Variants in MTDH observed in about 807,000 individuals in gnomAD.
MTDH encodes the protein metadherin.
In MTDH, 34 loss-of-function variants were observed where a neutral mutation model predicts 72.7. The ratio of observed to expected loss-of-function variants is 0.47; its 90% CI spans 0.36 to 0.62. The LOEUF is 0.62. Among genes scored for constraint, MTDH ranks in the 20% least tolerant of loss-of-function variants. The pLI, the probability that MTDH is intolerant of heterozygous loss-of-function variation, is 0.00. For synonymous variants in MTDH, 266 were observed against 268.9 expected, an observed-to-expected ratio of 0.99 and a Z score of 0.10; for missense variants, 677 against 699.4, an observed-to-expected ratio of 0.97 and a Z score of 0.36.
intron 2 of MTDH, among the ~76,000 whole-genome samples, chr8:97,662,152 C>T (rs1812195698): frequency 6.6e-6 from 1 of 151,018 alleles, no homozygotes; most frequent in Non-Finnish European, 1.5e-5. Flanking sequence ...GAGAAAAAGA[C>T]TTTTCATTCA....
intron 9 of MTDH, among the ~76,000 whole-genome samples, chr8:97,717,528 T>G (rs1176202627): frequency 6.6e-6 from 1 of 152,142 alleles, no homozygotes; most frequent in Non-Finnish European, 1.5e-5. Context: ...CCTTTCACTT[T>G]CCAAAGAGCT....
intron 2 of MTDH, among the ~76,000 whole-genome samples, chr8:97,678,713 A>G (rs1812954566): frequency 2.0e-5 from 3 of 148,714 alleles, no homozygotes; most frequent in Admixed American, 6.9e-5. Context: ...TTTCGGGATT[A>G]CAGGCATGAG....
intron 1 of MTDH, among the ~76,000 whole-genome samples, chr8:97,645,878 C>A (rs950789473): frequency 1.3e-5 from 2 of 152,046 alleles, no homozygotes; most frequent in Admixed American, 6.6e-5. Flanking sequence ...ATTTTTATAT[C>A]CAGCGAATTA....
At chr8:97,716,024 C>G (rs1189314735) in intron 9 of MTDH, among the ~76,000 whole-genome samples, 1 of 151,658 alleles carries the variant, frequency 6.6e-6, no homozygotes, top group East Asian at 1.9e-4. Context: ...TACATAATTG[C>G]ATAGGTTGTT....
chr8:97,660,783 T>C (rs1812142805), intron 1 of MTDH, among the ~76,000 whole-genome samples: 1 of 152,132 alleles, frequency 6.6e-6, no homozygotes, highest in Non-Finnish European at 1.5e-5. Context: ...AACACAGTTT[T>C]GTTCTCCTTT....
chr8:97,688,069 G>C (rs1197123103), intron 4 of MTDH, among the ~76,000 whole-genome samples: 1 of 152,158 alleles, frequency 6.6e-6, no homozygotes, highest in Non-Finnish European at 1.5e-5. Context: ...TATTATAGAT[G>C]TTTGATAGAG....
intron 6 of MTDH, chr8:97,696,294 G>A (rs1813831334): frequency 1.0e-6 from 1 of 984,930 alleles, no homozygotes; most frequent in Non-Finnish European, 1.2e-6. Flanking sequence ...GCTGTTTCTG[G>A]TATGTGAAAA....
intron 1 of MTDH, among the ~76,000 whole-genome samples, chr8:97,646,751 A>G (rs1157327777): frequency 6.6e-6 from 1 of 152,228 alleles, no homozygotes; most frequent in Admixed American, 6.5e-5. Flanking sequence ...AGTGGGGAGT[A>G]AATAAGTAAA....
rs1813137798 is a variant in MTDH at position 97,682,249 on chromosome 8, TATATATATATATATATATA to T, written c.484-4418_484-4400del. Among the ~76,000 whole-genome samples the T allele has an allele frequency of 2.5e-3, 15 of 5,940 alleles. 1 individual carries two copies. Among genetic ancestry groups the T allele is most frequent in the East Asian group, 0.021 (5 of 240 alleles). The allele number at this position is 5,940 out of a possible 152,430, so 3.9% of individuals were successfully genotyped here. A position where few individuals can be genotyped will look rare whatever the true frequency, so the allele number is the denominator to read the frequency against. ...ATTACTTTATATATATATATATATA[TATATATATATATATATATA>T]TATATATATATATTTTTTTTTTTTT... is the stretch of plus-strand genomic sequence containing the variant. On this transcript the variant is annotated intron_variant, in intron 2 of 11. Transcript: ENST00000336273.
intron 2 of MTDH, among the ~76,000 whole-genome samples, chr8:97,679,922 C>G (rs1018773940): frequency 6.6e-5 from 10 of 152,102 alleles, no homozygotes; most frequent in African/African-American, 2.4e-4. Context: ...TTGAGTAACT[C>G]CTAATAAGAT....
intron 6 of MTDH, among the ~76,000 whole-genome samples, chr8:97,695,628 C>T (rs1446363841): frequency 1.3e-5 from 2 of 152,092 alleles, no homozygotes; most frequent in Non-Finnish European, 2.9e-5. Context: ...TGGAGGTTTA[C>T]GTTCTTTAAA....
At chr8:97,713,273 G>C (rs1032836115) in intron 8 of MTDH, among the ~76,000 whole-genome samples, 3 of 152,028 alleles carry the variant, frequency 2.0e-5, no homozygotes, top group Non-Finnish European at 4.4e-5. Flanking sequence ...TTTTAGTAGA[G>C]ATGGGGTTTC....
Position 97,644,806 on chromosome 8 carries a change from C to G in MTDH, c.300C>G (p.Pro100=), listed in dbSNP as rs768866285. The change falls in exon 1 of 12, where the codon CCC becomes CCG. Residue 100 remains proline, a synonymous_variant. Transcript: ENST00000336273. The part of the protein sequence containing the change: ...EEAAAVPAAA[P]DDLALLKNLR... ...CGGCGGCCGTGCCGGCCGCGGCCCCCGACGACCTGGCCTTGCTGAAGAATC... is the reference window on the plus strand; with the variant it reads ...CGGCGGCCGTGCCGGCCGCGGCCCCGGACGACCTGGCCTTGCTGAAGAATC... The G allele has an allele frequency of 1.9e-6, 3 of 1,564,794 alleles. No individual in the cohort carries two copies.
intron 2 of MTDH, among the ~76,000 whole-genome samples, chr8:97,678,570 T>C (rs561839148): frequency 6.6e-6 from 1 of 151,588 alleles, no homozygotes. Flanking sequence ...TCTCTCTCTG[T>C]TTCCTTTGCT....
rs369774905 is a variant in MTDH, at chr8:97,679,820, AT to A, written c.484-6847del. Among the ~76,000 whole-genome samples the A allele has an allele frequency of 7.7e-3, 1,168 of 152,248 alleles. 15 individuals carry two copies. The highest frequency in any genetic ancestry group is 0.026 in the African/African-American group (1,092 of 41,536). On this transcript the variant is annotated intron_variant, in intron 2 of 11. Coordinates refer to ENST00000336273, the MANE Select transcript of MTDH (RefSeq NM_178812.4). ...TACAAGAGTGATAGCAGACCCCTTT[AT>A]CTGGCATATTTACTCAGGTATTTAA...
rs752994311 is a variant in MTDH, at chr8:97,686,792, TC to T, written c.568+42del. 4 of 1,373,922 alleles carry T rather than the reference TC, an allele frequency of 2.9e-6. No individual in the cohort carries two copies. The East Asian group carries it at 9.5e-5, about 33-fold the overall frequency. The allele number at this position is 1,373,922 out of a possible 1,614,324, so 85.1% of individuals were successfully genotyped here. On this transcript the variant is annotated intron_variant, in intron 3 of 11. Coordinates refer to ENST00000336273, the MANE Select transcript of MTDH (RefSeq NM_178812.4). ...GAAAGGACTGTAGAAAATTTTTTAA[TC>T]CTTTTTTATCAAAGTGTATTATATA...
At chr8:97,682,264 A>ATATG (rs1490725417) in intron 2 of MTDH, among the ~76,000 whole-genome samples, 4 of 5,644 alleles carry the variant, frequency 7.1e-4, no homozygotes, top group African/African-American at 3.0e-3. Flanking sequence ...ATATATATAT[A>ATATG]TATATATATA....
At chr8:97,679,627 G>A (rs764368269) in intron 2 of MTDH, among the ~76,000 whole-genome samples, 2 of 152,200 alleles carry the variant, frequency 1.3e-5, no homozygotes, top group Non-Finnish European at 2.9e-5. Flanking sequence ...TCGAAAGAAT[G>A]AAGCATGTGC....
chr8:97,708,365 T>TC (rs1188032340), intron 8 of MTDH, among the ~76,000 whole-genome samples: 2 of 132,840 alleles, frequency 1.5e-5, no homozygotes, highest in Admixed American at 1.7e-4. Context: ...CTCTGCAACC[T>TC]CCCCCTCCCA....
Sources: gnomAD v4.1 joint callset for allele counts (sites outside exome capture counted in the v4.1 genomes callset) on GRCh38, gnomAD v4.1.1 for gene constraint, MANE v1.5 for transcripts, NCBI Gene and HGNC (gene_info 2026-07-23, HGNC 2026-07-21) for gene names.